Variants in RASSF3 observed in about 807,000 individuals in gnomAD.
RASSF3 encodes the protein ras association domain-containing protein 3.
A neutral mutation model predicts 19.9 loss-of-function variants in RASSF3; 19 were observed. The ratio of observed to expected loss-of-function variants is 0.96; its 90% CI spans 0.67 to 1.40. The LOEUF (loss-of-function observed/expected upper bound fraction) is 1.40. RASSF3 is among the 40% of genes most tolerant of loss of function. RASSF3 has a pLI of 0.00. For missense variants in RASSF3, 306 were observed against 289.8 expected, an observed-to-expected ratio of 1.06 and a Z score of -0.41; for synonymous variants, 110 against 104.2, an observed-to-expected ratio of 1.06 and a Z score of -0.34.
chr12:64,547,164 C>T (rs537860902), intron 2 of RASSF3, among the ~76,000 whole-genome samples: 29 of 151,754 alleles, frequency 1.9e-4, no homozygotes, highest in African/African-American at 6.5e-4. Flanking sequence ...CCCTGCTACT[C>T]AGGAGACTGA....
At chr12:64,565,515 C>T (rs1002873391) in intron 2 of RASSF3, among the ~76,000 whole-genome samples, 2 of 152,168 alleles carry the variant, frequency 1.3e-5, no homozygotes, top group African/African-American at 2.4e-5. Context: ...GAGTTTGAGA[C>T]TAGCCCGGCC....
At chr12:64,523,960 C>T (rs894935467) in intron 1 of RASSF3, among the ~76,000 whole-genome samples, 1 of 151,894 alleles carries the variant, frequency 6.6e-6, no homozygotes, top group Non-Finnish European at 1.5e-5. Context: ...ATCGGGGTGA[C>T]TAATTCAGAG....
At chr12:64,558,452 A>G (rs916528001) in intron 2 of RASSF3, among the ~76,000 whole-genome samples, 3 of 152,154 alleles carry the variant, frequency 2.0e-5, no homozygotes, top group African/African-American at 7.2e-5. Flanking sequence ...ACATGCCTCT[A>G]TTCCTACTTT....
downstream of RASSF3, among the ~76,000 whole-genome samples, chr12:64,546,295 G>A (rs372573277): frequency 2.0e-5 from 3 of 152,040 alleles, no homozygotes; most frequent in Admixed American, 6.6e-5. Flanking sequence ...TTTTGAGACG[G>A]AGTCTCGCTC....
chr12:64,520,585 T>C (rs1324078478), intron 1 of RASSF3, among the ~76,000 whole-genome samples: 2 of 141,828 alleles, frequency 1.4e-5, no homozygotes, highest in South Asian at 2.2e-4. Context: ...TATATATATA[T>C]ATATATATAT....
At chr12:64,654,099 A>C (rs981041678) in intron 1 of RASSF3, 2 of 152,150 alleles carry the variant, frequency 1.3e-5, no homozygotes, top group African/African-American at 4.8e-5. Flanking sequence ...ATTTGGTAGC[A>C]CTGAGAAGAG....
At chr12:64,539,897 C>T (rs1868906284) in intron 1 of RASSF3, among the ~76,000 whole-genome samples, 1 of 152,180 alleles carries the variant, frequency 6.6e-6, no homozygotes, top group African/African-American at 2.4e-5. Flanking sequence ...AGTTAATATA[C>T]TTTATTATTA....
downstream of RASSF3, among the ~76,000 whole-genome samples, chr12:64,544,718 GA>G (rs1299988082): frequency 6.6e-6 from 1 of 152,128 alleles, no homozygotes; most frequent in African/African-American, 2.4e-5. Context: ...TGTCTGGATA[GA>G]ATTACTGAAA....
chr12:64,517,533 A>C (rs1368025456), intron 1 of RASSF3, among the ~76,000 whole-genome samples: 1 of 152,134 alleles, frequency 6.6e-6, no homozygotes, highest in Non-Finnish European at 1.5e-5. Context: ...AGGATAAGAG[A>C]GAGAACAGGT....
intron 1 of RASSF3, among the ~76,000 whole-genome samples, chr12:64,645,453 G>A (rs1407422427): frequency 6.6e-6 from 1 of 152,018 alleles, no homozygotes; most frequent in Non-Finnish European, 1.5e-5. Flanking sequence ...TGGGAGGATG[G>A]TTTGAAGCCA....
At chr12:64,573,747 G>C (rs1000967280) in intron 2 of RASSF3, among the ~76,000 whole-genome samples, 1 of 152,116 alleles carries the variant, frequency 6.6e-6, no homozygotes. Flanking sequence ...AAAGATTGAA[G>C]TTTAAATCTT....
intron 2 of RASSF3, among the ~76,000 whole-genome samples, chr12:64,568,042 G>GT (rs903857877): frequency 1.2e-4 from 18 of 151,974 alleles, no homozygotes; most frequent in Non-Finnish European, 2.5e-4. Context: ...TTTGTTTTTT[G>GT]TTTTTTTGAG....
intron 2 of RASSF3, among the ~76,000 whole-genome samples, chr12:64,574,722 G>A (rs531999180): frequency 1.3e-5 from 2 of 152,302 alleles, no homozygotes; most frequent in South Asian, 4.1e-4. Flanking sequence ...TCCAGCTAAG[G>A]TACTCAGTCA....
intron 2 of RASSF3, among the ~76,000 whole-genome samples, chr12:64,551,486 C>T (rs574853629): frequency 1.3e-5 from 2 of 152,034 alleles, no homozygotes; most frequent in South Asian, 2.1e-4. Context: ...TGAGGTGGGA[C>T]GATCACTTGA....
intron 1 of RASSF3, among the ~76,000 whole-genome samples, chr12:64,647,312 G>A (rs542946617): frequency 6.6e-6 from 1 of 151,886 alleles, no homozygotes; most frequent in African/African-American, 2.4e-5. Flanking sequence ...GCCGTGGCAC[G>A]ATCATGGCTC....
At chr12:64,528,743 C>T (rs1868641947), upstream of RASSF3, among the ~76,000 whole-genome samples, 1 of 152,192 alleles carries the variant, frequency 6.6e-6, no homozygotes, top group Admixed American at 6.5e-5. Context: ...TAACGGTGCA[C>T]AGGGCAGGTG....
intron 1 of RASSF3, among the ~76,000 whole-genome samples, chr12:64,668,139 G>C (rs1434800247): frequency 6.6e-6 from 1 of 152,160 alleles, no homozygotes. Context: ...TCCTGGGAGG[G>C]TTACCTAAGG....
chr12:64,564,719 G>C (rs1869400249), intron 2 of RASSF3, among the ~76,000 whole-genome samples: 1 of 151,928 alleles, frequency 6.6e-6, no homozygotes, highest in Admixed American at 6.6e-5. Flanking sequence ...ATCTCCAACA[G>C]AGAAATGCGT....
At chr12:64,532,032 C>T (rs1868718885), upstream of RASSF3, among the ~76,000 whole-genome samples, 1 of 152,132 alleles carries the variant, frequency 6.6e-6, no homozygotes, top group Admixed American at 6.6e-5. Flanking sequence ...GGTAAAAATG[C>T]CTCATAGTCA....
Sources: allele counts gnomAD v4.1 joint callset (sites outside exome capture counted in the v4.1 genomes callset), GRCh38; gene constraint gnomAD v4.1.1; transcripts MANE v1.5; gene names NCBI Gene and HGNC (gene_info 2026-07-23, HGNC 2026-07-21).